COPA: variants seen among roughly 807,000 people sequenced by gnomAD.
The protein encoded by COPA is coatomer subunit alpha.
Under a neutral mutation model 158.7 loss-of-function variants are expected in COPA, and 10 were observed. That is an observed-to-expected ratio of 0.06 (90% CI 0.04 to 0.11). The LOEUF (loss-of-function observed/expected upper bound fraction) is 0.11. Among genes scored for constraint, COPA ranks in the 10% least tolerant of loss-of-function variants. COPA has a pLI of 1.00. For synonymous variants in COPA, 462 were observed against 542.8 expected (o/e 0.85, Z 2.07); for missense variants, 1,065 against 1,536.7 (o/e 0.69, Z 5.13).
intron 26 of COPA, 62 bp from the exon 27 acceptor site, chr1:160,293,296 T>C: frequency 6.2e-7 from 1 of 1,610,900 alleles, no homozygotes; most frequent in Non-Finnish European, 8.5e-7. Context: ...TTCTCCTCTG[T>C]AACTATAGTA....
chr1:160,317,567 G>A (rs2101851724), intron 8 of COPA: 1 of 1,600,392 alleles, frequency 6.2e-7, no homozygotes, highest in Non-Finnish European at 8.6e-7. Context: ...CAAAGACAGG[G>A]CGTTCCAATG....
At chr1:160,309,907 T>C (rs1391192623) in intron 12 of COPA, among the ~76,000 whole-genome samples, 1 of 152,118 alleles carries the variant, frequency 6.6e-6, no homozygotes, top group Non-Finnish European at 1.5e-5. Context: ...AGGAAATATA[T>C]ATATATAGTC....
Position 160,340,043 on chromosome 1 carries a change from A to T in COPA, c.155-61T>A, listed in dbSNP as rs1647965601. On this transcript the variant is annotated intron_variant, in intron 2 of 32. Coordinates refer to ENST00000241704, the MANE Select transcript of COPA (RefSeq NM_004371.4). ...GCTATCCTTTCTAATCTCTAAGGTG[A>T]TTCCTATTCAGGATTTTTCAGTTCT... is the stretch of plus-strand genomic sequence containing the variant. The T allele has an allele frequency of 5.1e-6, 8 of 1,579,752 alleles. No individual in the cohort carries two copies. The Admixed American group carries it at 1.3e-4, about 26-fold the overall frequency.
intron 5 of COPA, 46 bp downstream of exon 5, chr1:160,333,557 T>A (rs200120472): frequency 7.2e-7 from 1 of 1,397,774 alleles, no homozygotes; most frequent in Non-Finnish European, 1.0e-6. Flanking sequence ...TATGAAAAAC[T>A]AGGAAAAATG....
intron 1 of COPA, 85 bp from the exon 2 acceptor site, chr1:160,340,379 C>A: frequency 1.2e-6 from 1 of 843,924 alleles, no homozygotes; most frequent in Non-Finnish European, 1.9e-6. Context: ...AAAGAAACAT[C>A]AAGGTTAATC....
In COPA at chr1:160,339,999, G is replaced by A; in HGVS notation, c.155-17C>T. 6.2e-7 allele frequency: 1 copy of A among 1,613,418 alleles called. No homozygotes were observed. The highest frequency in any genetic ancestry group is 1.1e-5 in the South Asian group (1 of 91,072). On this transcript the variant is annotated splice_polypyrimidine_tract_variant and intron_variant, in intron 2 of 32. Transcript: ENST00000241704. ...GCACTGGACCTGGTGGAGAAGGCAGGCAATGTATGTTAGACAGAGCTATCC... is the reference window on the plus strand; with the variant it reads ...GCACTGGACCTGGTGGAGAAGGCAGACAATGTATGTTAGACAGAGCTATCC...
At chr1:160,333,793 A>G in intron 4 of COPA, 114 bp from the exon 5 acceptor site, 1 of 706,788 alleles carries the variant, frequency 1.4e-6, no homozygotes, top group South Asian at 2.3e-5. Flanking sequence ...CTACATTAGC[A>G]AAGGGGCTGC....
At chr1:160,294,430 G>A in intron 25 of COPA, 54 bp downstream of exon 25, 1 of 1,496,768 alleles carries the variant, frequency 6.7e-7, no homozygotes, top group Admixed American at 1.7e-5. Context: ...TAAGGCCTCT[G>A]GCTTCCACAG....
intron 6 of COPA, 59 bp from the exon 7 acceptor site, chr1:160,325,711 C>A: frequency 8.2e-7 from 1 of 1,216,340 alleles, no homozygotes; most frequent in Non-Finnish European, 1.2e-6. Context: ...TAAAACAGCA[C>A]AGTATCAGAA....
chr1:160,295,931 C>G (rs1658387685), intron 22 of COPA, 72 bp from the exon 23 acceptor site: 2 of 1,581,092 alleles, frequency 1.3e-6, no homozygotes, highest in Non-Finnish European at 1.7e-6. Context: ...TATGGAGCCT[C>G]CTTTGATCTC....
chr1:160,330,644 C>T (rs1647467170), intron 6 of COPA, among the ~76,000 whole-genome samples: 1 of 152,170 alleles, frequency 6.6e-6, no homozygotes, highest in African/African-American at 2.4e-5. Flanking sequence ...GCTTGCTGTT[C>T]ATTAATGGTC....
At chr1:160,342,016 G>A (rs1648089765) in intron 1 of COPA, among the ~76,000 whole-genome samples, 1 of 152,150 alleles carries the variant, frequency 6.6e-6, no homozygotes, top group Non-Finnish European at 1.5e-5. Context: ...TCAAGGTCAA[G>A]TTTCCCAAGA....
chr1:160,326,232 G>C (rs1289954907), intron 6 of COPA: 1 of 153,340 alleles, frequency 6.5e-6, no homozygotes, highest in Non-Finnish European at 1.5e-5. Flanking sequence ...AAATTTTAAA[G>C]GAAAGCCATT....
chr1:160,323,477 A>G lies in COPA; in HGVS notation c.660T>C (p.Ile220=), dbSNP rs1571174198. Residue 220 remains isoleucine (I), a synonymous_variant, in exon 8 of 33, where the codon ATT becomes ATC. Coordinates refer to ENST00000241704, the MANE Select transcript of COPA (RefSeq NM_004371.4). ...CTTGACGATCATCTGCCCCAGATAC[A>G]ATAAGGGGCATAGTGGGGTGGAAGG... ...WAAFHPTMPL[I]VSGADDRQVK... The G allele has an allele frequency of 2.5e-6, 4 of 1,611,002 alleles. No individual in the cohort carries two copies. The highest frequency in any genetic ancestry group is 3.4e-6 in the Non-Finnish European group (4 of 1,178,126).
Position 160,292,373 on chromosome 1 carries a change from T to A in COPA, c.2960+111A>T, listed in dbSNP as rs117005495. 516 of 1,583,272 alleles carry A rather than the reference T, an allele frequency of 3.3e-4. 2 individuals carry two copies. The East Asian group carries it at 8.4e-3, about 26-fold the overall frequency. ...TAGAGTAACAAACCAAAGATCTTTT[T>A]CTACTGGGAAACCCTAGCTCTGAGA... is the stretch of plus-strand genomic sequence containing the variant. On this transcript the variant is annotated intron_variant, in intron 28 of 32. Coordinates refer to ENST00000241704, the MANE Select transcript of COPA (RefSeq NM_004371.4).
At chr1:160,317,951 G>C (rs1470262946) in intron 8 of COPA, among the ~76,000 whole-genome samples, 1 of 152,106 alleles carries the variant, frequency 6.6e-6, no homozygotes, top group Non-Finnish European at 1.5e-5. Context: ...TGCACAGAGA[G>C]CCCACCTTTT....
intron 17 of COPA, among the ~76,000 whole-genome samples, chr1:160,300,601 G>A (rs1658569844): frequency 6.6e-6 from 1 of 151,976 alleles, no homozygotes; most frequent in Non-Finnish European, 1.5e-5. Context: ...AACTCATTGA[G>A]GGAACAGAAA....
At chr1:160,339,287 C>G (rs1003884069) in intron 3 of COPA, 1 of 152,188 alleles carries the variant, frequency 6.6e-6, no homozygotes, top group Admixed American at 6.5e-5. Context: ...ATTTTTGCCT[C>G]CTGTCTTGCC....
intron 4 of COPA, among the ~76,000 whole-genome samples, chr1:160,334,532 G>T (rs1404414805): frequency 1.3e-5 from 2 of 151,708 alleles, no homozygotes; most frequent in African/African-American, 4.9e-5. Context: ...TCCTATCCTA[G>T]AATTTTTTAA....
Sources: allele counts gnomAD v4.1 joint callset (sites outside exome capture counted in the v4.1 genomes callset), GRCh38; gene constraint gnomAD v4.1.1; transcripts MANE v1.5; gene names NCBI Gene and HGNC (gene_info 2026-07-23, HGNC 2026-07-21).